The following TAOK2 variants were observed in gnomAD, a reference collection of about 807,000 sequenced individuals.
TAOK2 encodes serine/threonine-protein kinase TAO2.
TAOK2 carries 42 observed loss-of-function variants against 122.5 expected under a neutral mutation model. The ratio of observed to expected loss-of-function variants is 0.34; its 90% CI spans 0.27 to 0.44. The LOEUF is 0.44. Among genes scored for constraint, TAOK2 ranks in the 20% least tolerant of loss-of-function variants. TAOK2 has a pLI of 1.00. For synonymous variants in TAOK2, 704 were observed against 677.6 expected (o/e 1.04, Z -0.61); for missense variants, 1,264 against 1,644.9 (o/e 0.77, Z 4.01).
chr16:29,989,908 T>C (rs970841058), downstream of TAOK2: 6 of 1,182,966 alleles, frequency 5.1e-6, no homozygotes, highest in East Asian at 1.5e-4. Flanking sequence ...GGGGCTTTTT[T>C]ACTTGGGAAA....
intron 10 of TAOK2, among the ~76,000 whole-genome samples, chr16:29,982,169 A>G (rs1289178327): frequency 1.2e-4 from 19 of 152,196 alleles, no homozygotes; most frequent in Non-Finnish European, 2.8e-4. Context: ...TTAATCAAAG[A>G]TTTATATAAT....
In TAOK2 at chr16:29,987,248, T is replaced by G. The variant is rs2069832863; in HGVS notation, c.2976T>G (p.Leu992=). Residue 992 remains leucine (L), a synonymous_variant, in exon 16 of 16, where the codon CTT becomes CTG. Transcript: ENST00000308893. ...GGGLQAALLA[L]EVGLVGLGAS... is the part of the protein sequence containing the mutation. Reference sequence around the variant, plus strand: ...GCCTGCAGGCAGCGCTGCTGGCCCTTGAGGTGGGGCTGGTGGGTCTGGGGG... The same window carrying G: ...GCCTGCAGGCAGCGCTGCTGGCCCTGGAGGTGGGGCTGGTGGGTCTGGGGG... 1 of 1,533,388 alleles carries G rather than the reference T, an allele frequency of 6.5e-7. No individual in the cohort carries two copies. Among genetic ancestry groups the G allele is most frequent in the Non-Finnish European group, 8.7e-7 (1 of 1,145,558 alleles). 95.0% of individuals were successfully genotyped at this position (1,533,388 alleles called of 1,614,324 possible).
chr16:29,990,979 G>T (rs764258118), downstream of TAOK2: 2 of 1,608,374 alleles, frequency 1.2e-6, no homozygotes, highest in South Asian at 1.1e-5. Flanking sequence ...AAGGGGCCCA[G>T]CCTCCAGGAC....
chr16:29,990,974 G>C (rs1299686532), downstream of TAOK2: 2 of 1,608,868 alleles, frequency 1.2e-6, no homozygotes, highest in Non-Finnish European at 1.7e-6. Flanking sequence ...CGGGTAAGGG[G>C]CCCAGCCTCC....
chr16:29,985,866 G>C lies in TAOK2; in HGVS notation c.1992+5G>C, dbSNP rs1316152506. ...GACCAGGACCTGCTGCGGGAGGTAG[G>C]CATCCCAATCTCTGTTCCCCTCCCG... On this transcript the variant is annotated splice_donor_5th_base_variant and intron_variant, in intron 15 of 15. Transcript: ENST00000308893. The surrounding 1 kb of genome is among the most constrained non-coding windows in gnomAD (Gnocchi z 6.9). 4 of 1,611,008 alleles carry C rather than the reference G, an allele frequency of 2.5e-6. No individual in the cohort carries two copies. The Admixed American group carries it at 6.7e-5, about 27-fold the overall frequency.
chr16:29,983,098 C>T lies in TAOK2; in HGVS notation c.1026C>T (p.Ala342=), dbSNP rs760102729. ...AGGCCGAGCCCTACATGCACCGGGCCGGGACTCTGACCAGCCTCGAGAGTA... is the reference window on the plus strand; with the variant it reads ...AGGCCGAGCCCTACATGCACCGGGCTGGGACTCTGACCAGCCTCGAGAGTA... ...EEEAEPYMHR[A]GTLTSLESSH... The change falls in exon 12 of 16, where the codon GCC becomes GCT. Residue 342 remains alanine (A), a synonymous_variant. Transcript: ENST00000308893. The T allele has an allele frequency of 1.1e-4, 175 of 1,613,920 alleles. 1 individual carries two copies. Among genetic ancestry groups the T allele is most frequent in the African/African-American group, 1.5e-4 (11 of 74,886 alleles).
In TAOK2 at chr16:29,985,750, G is replaced by A. The variant is rs779593789; in HGVS notation, c.1881G>A (p.Glu627=). 5.0e-6 allele frequency: 8 copies of A among 1,611,446 alleles called. No homozygotes were observed. In the South Asian group the frequency reaches 8.8e-5, roughly 18 times the overall value. ...AGCTCCAGCAGTGCCAGGCGGAGGA[G>A]GAAGCAGGGCTGCTGCGGCGGCAGC... ...KEQLQQCQAE[E]EAGLLRRQRQ... Residue 627 remains glutamate, a synonymous_variant, in exon 15 of 16, where the codon GAG becomes GAA. Coordinates refer to ENST00000308893, the MANE Select transcript of TAOK2 (RefSeq NM_016151.4). This position sits in a 1 kb window ranked among gnomAD's most constrained non-coding sequence, Gnocchi z 6.9.
chr16:29,983,919 G>A (rs1479647245), intron 13 of TAOK2, among the ~76,000 whole-genome samples: 2 of 152,202 alleles, frequency 1.3e-5, no homozygotes, highest in Non-Finnish European at 2.9e-5. Flanking sequence ...TGACTTAACT[G>A]ACATCTCCTG....
chr16:29,978,053 A>AT (rs1307729906), intron 2 of TAOK2, 36 bp from the exon 3 acceptor site: 1 of 1,613,452 alleles, frequency 6.2e-7, no homozygotes, highest in Non-Finnish European at 8.5e-7. Context: ...CCGGCTCTCA[A>AT]TGGGGCCTTC....
At chr16:29,978,009 C>T (rs1411926253) in intron 2 of TAOK2, 80 bp from the exon 3 acceptor site, 2 of 1,611,112 alleles carry the variant, frequency 1.2e-6, no homozygotes, top group African/African-American at 2.7e-5. Flanking sequence ...GTCTTTCCTG[C>T]CTTCTCTTGC....
chr16:29,989,882 G>A, downstream of TAOK2: 1 of 1,471,704 alleles, frequency 6.8e-7, no homozygotes, highest in Non-Finnish European at 9.3e-7. Flanking sequence ...GGACGGTGCA[G>A]GGCATGCACA....
downstream of TAOK2, chr16:29,988,542 C>G (rs930041040): frequency 7.8e-6 from 9 of 1,155,312 alleles, no homozygotes; most frequent in East Asian, 7.4e-5. Context: ...GCCTCATGCT[C>G]TCTGCCTTCA....
At position 29,985,332 on chromosome 16, in the gene TAOK2, G is replaced by T; in HGVS notation, c.1542G>T (p.Arg514Ser). The change falls in exon 14 of 16, where the codon AGG becomes AGT. Residue 514 changes from arginine to serine, a missense_variant. Arg to Ser is a moderately radical substitution (Grantham distance 110). Around this residue, in one of 4 missense-constraint regions of TAOK2, gnomAD observed 64 missense variants for 115.7 expected, o/e 0.55. Coordinates refer to ENST00000308893, the MANE Select transcript of TAOK2 (RefSeq NM_016151.4). This position sits in a 1 kb window ranked among gnomAD's most constrained non-coding sequence, Gnocchi z 6.9. ...TGCTGGCCCTGGAGTCACGGCTGAG[G>T]GGTGAACGGGAGGAGCACAGTGCAC... Reference protein sequence around the residue: ...KQLLALESRLRGEREEHSARL... With the variant: ...KQLLALESRLSGEREEHSARL... 1.2e-6 allele frequency: 2 copies of T among 1,611,420 alleles called. No individual in the cohort carries two copies. Among genetic ancestry groups the T allele is most frequent in the Non-Finnish European group, 1.7e-6 (2 of 1,178,312 alleles).
At chr16:29,975,680 CA>C (rs2069433056) in intron 1 of TAOK2, among the ~76,000 whole-genome samples, 1 of 152,182 alleles carries the variant, frequency 6.6e-6, no homozygotes, top group African/African-American at 2.4e-5. Context: ...TCTCTCCTGA[CA>C]AATGGTAGCA....
At position 29,986,396 on chromosome 16, in the gene TAOK2, G is replaced by C. The variant is rs1199382243; in HGVS notation, c.2124G>C (p.Leu708=). 6.2e-7 allele frequency: 1 copy of C among 1,610,982 alleles called. No homozygotes were observed. The highest frequency in any genetic ancestry group is 8.5e-7 in the Non-Finnish European group (1 of 1,178,420). ...VQRTRAELTR[L]QHQTELGNQL... is the part of the protein sequence containing the mutation. ...GCACGCGGGCTGAGCTCACCCGCCTGCAGCACCAGACGGAGCTGGGCAACC... is the reference window on the plus strand; with the variant it reads ...GCACGCGGGCTGAGCTCACCCGCCTCCAGCACCAGACGGAGCTGGGCAACC... The change falls in exon 16 of 16, where the codon CTG becomes CTC. Residue 708 remains leucine (L), a synonymous_variant. Transcript: ENST00000308893. The surrounding 1 kb of genome is among the most constrained non-coding windows in gnomAD (Gnocchi z 4.2).
Position 29,985,341 on chromosome 16 carries a change from G to A in TAOK2, c.1551G>A (p.Arg517=), listed in dbSNP as rs55679005. ...TGGAGTCACGGCTGAGGGGTGAACG[G>A]GAGGAGCACAGTGCACGGCTGCAGC... is the stretch of plus-strand genomic sequence containing the variant. ...LALESRLRGE[R]EEHSARLQRE... is the part of the protein sequence containing the mutation. Residue 517 remains arginine, a synonymous_variant, in exon 14 of 16, where the codon CGG becomes CGA. Transcript: ENST00000308893. The surrounding 1 kb of genome is among the most constrained non-coding windows in gnomAD (Gnocchi z 6.9). 330 of 1,611,672 alleles carry A rather than the reference G, an allele frequency of 2.0e-4. No homozygotes were observed. Among genetic ancestry groups the A allele is most frequent in the Middle Eastern group, 5.0e-4 (3 of 6,034 alleles).
chr16:29,984,088 G>GA (rs2069707122), intron 13 of TAOK2, among the ~76,000 whole-genome samples: 1 of 152,226 alleles, frequency 6.6e-6, no homozygotes, highest in South Asian at 2.1e-4. Context: ...GGGTGGTCCT[G>GA]AACAGCATCA....
rs1000878010 is a variant in TAOK2, at chr16:29,982,750, G to A, written c.848G>A (p.Arg283Gln). The part of the protein sequence containing the change: ...EVLLKHRFVL[R>Q]ERPPTVIMDL... Reference sequence around the variant, plus strand: ...TTCCCCCAGCACCGCTTTGTGCTCCGGGAGCGGCCACCCACAGTCATCATG... The same window carrying A: ...TTCCCCCAGCACCGCTTTGTGCTCCAGGAGCGGCCACCCACAGTCATCATG... The change falls in exon 11 of 16, where the codon CGG becomes CAG. Residue 283 changes from arginine (R) to glutamine (Q), a missense_variant. By Grantham distance (43) the Arg-to-Gln change is conservative. Coordinates refer to ENST00000308893, the MANE Select transcript of TAOK2 (RefSeq NM_016151.4). 6.2e-7 allele frequency: 1 copy of A among 1,613,644 alleles called. No individual in the cohort carries two copies. Among genetic ancestry groups the A allele is most frequent in the Non-Finnish European group, 8.5e-7 (1 of 1,179,748 alleles).
chr16:29,990,980 C>T (rs1274983548), downstream of TAOK2: 36 of 1,606,120 alleles, frequency 2.2e-5, no homozygotes, highest in Non-Finnish European at 3.1e-5. Context: ...AGGGGCCCAG[C>T]CTCCAGGACT....
Sources: gnomAD v4.1 joint callset for allele counts (sites outside exome capture counted in the v4.1 genomes callset) on GRCh38, gnomAD v4.1.1 for gene constraint, gnomAD v4.1.1 regional missense constraint, Gnocchi (gnomAD v3.1) non-coding constraint, MANE v1.5 for transcripts, NCBI Gene and HGNC (gene_info 2026-07-23, HGNC 2026-07-21) for gene names.